Variants in RSBN1L observed in about 807,000 individuals in gnomAD.
RSBN1L encodes the protein round spermatid basic protein 1 like.
RSBN1L carries 30 observed loss-of-function variants against 67.7 expected under a neutral mutation model. The ratio of observed to expected loss-of-function variants is 0.44; its 90% CI spans 0.33 to 0.60. RSBN1L has a LOEUF of 0.60. RSBN1L is among the 20% of genes least tolerant of loss of function. The pLI is 0.02. For synonymous variants in RSBN1L, 433 were observed against 387.0 expected, an observed-to-expected ratio of 1.12 and a Z score of -1.39; for missense variants, 992 against 1,031.7, an observed-to-expected ratio of 0.96 and a Z score of 0.53.
chr7:77,768,135 G>T (rs574297440), intron 4 of RSBN1L, among the ~76,000 whole-genome samples: 162 of 152,008 alleles, frequency 1.1e-3, no homozygotes, highest in African/African-American at 3.8e-3. Flanking sequence ...GATTACAGGC[G>T]TGAGCCACTG....
intron 2 of RSBN1L, among the ~76,000 whole-genome samples, chr7:77,742,182 TACACACACACACACACACACACAC>T (rs1169498942): frequency 2.5e-5 from 2 of 80,294 alleles, no homozygotes; most frequent in African/African-American, 1.2e-4. Flanking sequence ...AAAAAAAAAA[TACACACACACACACACACACACAC>T]ACACACACAC....
At chr7:77,739,739 CTTTTTTTTT>C (rs1173154183) in intron 2 of RSBN1L, among the ~76,000 whole-genome samples, 100 of 42,686 alleles carry the variant, frequency 2.3e-3, no homozygotes, top group African/African-American at 7.3e-3. Context: ...AAAAATGTGT[CTTTTTTTTT>C]TTTTTTTTTT....
intron 1 of RSBN1L, among the ~76,000 whole-genome samples, chr7:77,725,467 G>A (rs1457799748): frequency 7.2e-6 from 1 of 138,074 alleles, no homozygotes; most frequent in Non-Finnish European, 1.6e-5. Context: ...GGCTGGTCTC[G>A]AACTCCTGAC....
At chr7:77,759,964 A>G (rs1254692169) in intron 3 of RSBN1L, among the ~76,000 whole-genome samples, 3 of 152,218 alleles carry the variant, frequency 2.0e-5, no homozygotes, top group Non-Finnish European at 4.4e-5. Context: ...TCTTCAGGGA[A>G]CATGTTTTGG....
At chr7:77,714,664 G>C (rs1002457263) in intron 1 of RSBN1L, among the ~76,000 whole-genome samples, 2 of 151,950 alleles carry the variant, frequency 1.3e-5, no homozygotes, top group Non-Finnish European at 2.9e-5. Flanking sequence ...CATTCACATA[G>C]AAATCTTGTA....
rs1389437208 is a variant in RSBN1L at position 77,780,690 on chromosome 7, T to C, written c.*1522T>C. 2.0e-5 allele frequency: 3 copies of C among 152,208 alleles called. No homozygotes were observed. The highest frequency in any genetic ancestry group is 7.2e-5 in the African/African-American group (3 of 41,450). 9.4% of individuals were successfully genotyped at this position (152,208 alleles called of 1,614,324 possible). A position where few individuals can be genotyped will look rare whatever the true frequency, so the allele number is the denominator to read the frequency against. ...ACAAAATACTTTGTGGTACCTCTTA[T>C]CTCTCAGGATCTCCTCCCTACCCTA... On this transcript the variant is annotated 3_prime_UTR_variant, in exon 8 of 8. Coordinates refer to ENST00000334955, the MANE Select transcript of RSBN1L (RefSeq NM_198467.3).
intron 1 of RSBN1L, among the ~76,000 whole-genome samples, chr7:77,715,477 T>A (rs934378976): frequency 1.3e-4 from 20 of 152,084 alleles, no homozygotes; most frequent in East Asian, 1.9e-4. Context: ...GGTAATTTTT[T>A]AAAAATTTTT....
chr7:77,782,805 T>C lies in RSBN1L; in HGVS notation c.*3637T>C, dbSNP rs1474407691. ...TGTTCCTGAGTGTAAAACAGTTTTT[T>C]CCCAAATACTTATGGCAGATAAGAG... On this transcript the variant is annotated 3_prime_UTR_variant, in exon 8 of 8. Transcript: ENST00000334955. The C allele has an allele frequency of 6.6e-6, 1 of 152,196 alleles. No individual in the cohort carries two copies. 9.4% of individuals were successfully genotyped at this position (152,196 alleles called of 1,614,324 possible).
chr7:77,773,535 T>G (rs1584305801), intron 6 of RSBN1L: 1 of 306,318 alleles, frequency 3.3e-6, no homozygotes, highest in African/African-American at 2.2e-5. Flanking sequence ...GAGGCCGAGG[T>G]GGGTGGATCA....
At chr7:77,705,469 T>G (rs1015712559) in intron 1 of RSBN1L, among the ~76,000 whole-genome samples, 1 of 151,950 alleles carries the variant, frequency 6.6e-6, no homozygotes, top group Admixed American at 6.6e-5. Flanking sequence ...CTAAATTTGA[T>G]TACTTGATTG....
intron 3 of RSBN1L, among the ~76,000 whole-genome samples, chr7:77,757,645 G>T (rs1253726801): frequency 6.6e-6 from 1 of 152,254 alleles, no homozygotes; most frequent in African/African-American, 2.4e-5. Context: ...TAACTTAGCT[G>T]GGGCTATATG....
At chr7:77,778,265 C>T in intron 6 of RSBN1L, 73 bp from the exon 7 acceptor site, 1 of 1,008,362 alleles carries the variant, frequency 9.9e-7, no homozygotes, top group Admixed American at 2.3e-5. Flanking sequence ...AGTATTTTTG[C>T]TTTGAGTTTA....
At chr7:77,703,477 G>GTTGTTTTTT (rs1790845776) in intron 1 of RSBN1L, among the ~76,000 whole-genome samples, 13 of 61,606 alleles carry the variant, frequency 2.1e-4, no homozygotes, top group African/African-American at 8.8e-4. Context: ...TACTGTTTGG[G>GTTGTTTTTT]TTTTTTTTTT....
intron 6 of RSBN1L, among the ~76,000 whole-genome samples, chr7:77,774,324 C>T (rs1356343573): frequency 2.6e-5 from 4 of 152,286 alleles, no homozygotes; most frequent in East Asian, 1.9e-4. Context: ...TGATGGCTCA[C>T]GCCTGTAATT....
intron 6 of RSBN1L, among the ~76,000 whole-genome samples, chr7:77,776,031 G>A (rs1791909711): frequency 6.6e-6 from 1 of 150,834 alleles, no homozygotes; most frequent in African/African-American, 2.5e-5. Flanking sequence ...ACTCCAGCCT[G>A]GGCGATTGAC....
chr7:77,736,608 G>T, intron 2 of RSBN1L, 82 bp downstream of exon 2: 1 of 735,258 alleles, frequency 1.4e-6, no homozygotes, highest in Non-Finnish European at 2.0e-6. Flanking sequence ...AATAAGAAAT[G>T]TTATTTGGTG....
chr7:77,738,573 A>G (rs946525404), intron 2 of RSBN1L, among the ~76,000 whole-genome samples: 8 of 152,236 alleles, frequency 5.3e-5, no homozygotes, highest in African/African-American at 1.9e-4. Context: ...AATCTGGCTC[A>G]CAGGTACTTA....
chr7:77,768,428 G>A, intron 4 of RSBN1L: 3 of 424,000 alleles, frequency 7.1e-6, no homozygotes, highest in Non-Finnish European at 1.3e-5. Context: ...ACCTCTAGCA[G>A]GGTATAGGGA....
chr7:77,770,982 G>A (rs547161586), intron 5 of RSBN1L, among the ~76,000 whole-genome samples: 4 of 151,942 alleles, frequency 2.6e-5, no homozygotes, highest in South Asian at 2.1e-4. Context: ...TTGCTCTGTC[G>A]CCAGGCTGGA....
Sources: allele counts gnomAD v4.1 joint callset (sites outside exome capture counted in the v4.1 genomes callset), GRCh38; gene constraint gnomAD v4.1.1; transcripts MANE v1.5; gene names NCBI Gene and HGNC (gene_info 2026-07-23, HGNC 2026-07-21).